LARGE1: variants seen among roughly 807,000 people sequenced by gnomAD.
LARGE1 encodes the protein LARGE xylosyl- and glucuronyltransferase 1, also known as xylosyl- and glucuronyltransferase LARGE1.
LARGE1 carries 43 observed loss-of-function variants against 87.6 expected under a neutral mutation model. The observed-to-expected ratio is 0.49, with a 90% CI of 0.38 to 0.63. The LOEUF is 0.63. Ranked by LOEUF, LARGE1 falls within the 30% of genes least tolerant of loss-of-function variation. The pLI, the probability that LARGE1 is intolerant of heterozygous loss-of-function variation, is 0.00. For synonymous variants in LARGE1, 434 were observed against 394.6 expected (o/e 1.10, Z -1.18); for missense variants, 802 against 1,000.2 (o/e 0.80, Z 2.67).
chr22:33,141,191 C>CTT, the LARGE1 span, among the ~76,000 whole-genome samples: 1 of 129,964 alleles, frequency 7.7e-6, no homozygotes, highest in African/African-American at 2.9e-5. Flanking sequence ...CTCTCTCTCT[C>CTT]TCTCACACAC....
intron 1 of LARGE1, among the ~76,000 whole-genome samples, chr22:33,905,399 C>T (rs1345018800): frequency 6.6e-6 from 1 of 152,100 alleles, no homozygotes; most frequent in African/African-American, 2.4e-5. Flanking sequence ...AAAACTTGTA[C>T]TGCCGTGCCT....
At chr22:33,326,353 A>G (rs1184820736) in intron 10 of LARGE1, among the ~76,000 whole-genome samples, 1 of 152,214 alleles carries the variant, frequency 6.6e-6, no homozygotes, top group East Asian at 1.9e-4. Context: ...CTGCTTCTGC[A>G]CTTGTATTAT....
chr22:33,173,417 A>G (rs762712431), intron 11 of LARGE1, among the ~76,000 whole-genome samples: 3 of 152,232 alleles, frequency 2.0e-5, no homozygotes, highest in Admixed American at 6.5e-5. Flanking sequence ...TGTAAAGATC[A>G]TCGACACTAT....
intron 9 of LARGE1, among the ~76,000 whole-genome samples, chr22:33,346,744 C>T (rs1340570494): frequency 6.6e-6 from 1 of 152,186 alleles, no homozygotes; most frequent in Non-Finnish European, 1.5e-5. Flanking sequence ...TAACAGAACA[C>T]TAACTTTGTT....
intron 1 of LARGE1, among the ~76,000 whole-genome samples, chr22:33,865,949 A>C (rs2064089428): frequency 7.0e-6 from 1 of 143,322 alleles, no homozygotes; most frequent in Non-Finnish European, 1.5e-5. Context: ...CCCAGGCTCA[A>C]GCAATCCTCC....
intron 6 of LARGE1, among the ~76,000 whole-genome samples, chr22:33,516,806 G>T (rs1458883101): frequency 2.0e-5 from 3 of 151,990 alleles, no homozygotes; most frequent in Non-Finnish European, 4.4e-5. Flanking sequence ...GGATGGTCTC[G>T]ATCTCTTGAC....
intron 1 of LARGE1, among the ~76,000 whole-genome samples, chr22:33,849,588 TTC>T (rs1255410366): frequency 2.9e-5 from 4 of 135,652 alleles, no homozygotes; most frequent in Non-Finnish European, 4.5e-5. Context: ...TTTTCTTTTC[TTC>T]TCTTTTTTTT....
At chr22:33,197,421 GT>G (rs200945782) in intron 11 of LARGE1, among the ~76,000 whole-genome samples, 4,587 of 151,970 alleles carry the variant, frequency 0.03, 95 homozygotes, top group Admixed American at 0.057. Context: ...AATTACTAGA[GT>G]TAAAAAGTGA....
intron 6 of LARGE1, among the ~76,000 whole-genome samples, chr22:33,554,614 C>T (rs904911012): frequency 3.3e-5 from 5 of 152,172 alleles, no homozygotes; most frequent in African/African-American, 9.7e-5. Context: ...CCGCTACGGG[C>T]CACAGTGGTC....
At chr22:33,640,533 CAGG>C (rs1367067360) in intron 3 of LARGE1, among the ~76,000 whole-genome samples, 2 of 152,160 alleles carry the variant, frequency 1.3e-5, no homozygotes, top group Non-Finnish European at 2.9e-5. Flanking sequence ...CAGCTAGCTG[CAGG>C]AGTTTTTTTT....
At chr22:33,883,510 C>T (rs2146775353) in intron 1 of LARGE1, among the ~76,000 whole-genome samples, 1 of 152,310 alleles carries the variant, frequency 6.6e-6, no homozygotes, top group South Asian at 2.1e-4. Context: ...GAAGTAGCCT[C>T]GTGATCCTGA....
At chr22:33,872,359 CTATTAT>C (rs3072360) in intron 1 of LARGE1, among the ~76,000 whole-genome samples, 23,173 of 142,638 alleles carry the variant, frequency 0.16, 1,990 homozygotes, top group East Asian at 0.26. Flanking sequence ...TAAATGCTAT[CTATTAT>C]TATTATTATT....
chr22:33,652,993 C>T (rs1191491576), intron 2 of LARGE1, among the ~76,000 whole-genome samples: 1 of 152,208 alleles, frequency 6.6e-6, no homozygotes, highest in Non-Finnish European at 1.5e-5. Context: ...TGCATTGTCA[C>T]CGACTGGCCA....
At chr22:33,651,916 G>A (rs368691526) in intron 2 of LARGE1, among the ~76,000 whole-genome samples, 6 of 152,110 alleles carry the variant, frequency 3.9e-5, no homozygotes, top group African/African-American at 7.2e-5. Context: ...GCTCATGCCT[G>A]TAATCCCAGC....
chr22:33,626,944 T>G (rs1233506681), intron 3 of LARGE1, among the ~76,000 whole-genome samples: 1 of 152,218 alleles, frequency 6.6e-6, no homozygotes, highest in Non-Finnish European at 1.5e-5. Flanking sequence ...CTGGGAGTGC[T>G]GCAGGGTCCA....
At chr22:33,073,831 C>T in the LARGE1 span, among the ~76,000 whole-genome samples, 406 of 152,254 alleles carry the variant, frequency 2.7e-3, no homozygotes, top group African/African-American at 9.3e-3. Flanking sequence ...TAAACCTTAC[C>T]TCCTTCACAT....
intron 11 of LARGE1, among the ~76,000 whole-genome samples, chr22:33,185,315 C>T (rs1221726498): frequency 1.3e-5 from 2 of 152,092 alleles, no homozygotes; most frequent in African/African-American, 2.4e-5. Flanking sequence ...AAGCTACATA[C>T]TGAATGATTC....
intron 1 of LARGE1, among the ~76,000 whole-genome samples, chr22:33,766,913 C>CATATATATATATATAT (rs34406131): frequency 1.8e-5 from 2 of 111,782 alleles, no homozygotes; most frequent in Non-Finnish European, 3.7e-5. Flanking sequence ...TAAACATATA[C>CATATATATATATATAT]ATATATATAT....
intron 9 of LARGE1, among the ~76,000 whole-genome samples, chr22:33,341,172 C>T (rs1283508690): frequency 1.3e-5 from 2 of 152,002 alleles, no homozygotes; most frequent in African/African-American, 4.8e-5. Flanking sequence ...AGTGGATTAG[C>T]GCCCTTAGAA....
Sources: gnomAD v4.1 joint callset for allele counts (sites outside exome capture counted in the v4.1 genomes callset) on GRCh38, gnomAD v4.1.1 for gene constraint, MANE v1.5 for transcripts, NCBI Gene and HGNC (gene_info 2026-07-23, HGNC 2026-07-21) for gene names.